Variants in ST6GALNAC3 observed in about 807,000 individuals in gnomAD.
ST6GALNAC3 encodes alpha-N-acetylgalactosaminide alpha-2,6-sialyltransferase 3.
Under a neutral mutation model 32.7 loss-of-function variants are expected in ST6GALNAC3, and 25 were observed. The observed-to-expected ratio is 0.76, with a 90% CI of 0.56 to 1.07. The LOEUF (loss-of-function observed/expected upper bound fraction) is 1.07. Ranked by LOEUF, ST6GALNAC3 falls within the 50% of genes least tolerant of loss-of-function variation. ST6GALNAC3 has a pLI of 0.00. For missense variants in ST6GALNAC3, 355 were observed against 382.4 expected (o/e 0.93, Z 0.60); for synonymous variants, 129 against 133.1 (o/e 0.97, Z 0.21).
chr1:76,279,264 A>G (rs1247018007), intron 1 of ST6GALNAC3, among the ~76,000 whole-genome samples: 1 of 152,244 alleles, frequency 6.6e-6, no homozygotes, highest in Non-Finnish European at 1.5e-5. Context: ...GAAAACTTTG[A>G]TAACAACTCA....
intron 1 of ST6GALNAC3, among the ~76,000 whole-genome samples, chr1:76,312,942 AT>A (rs1646795241): frequency 6.6e-6 from 1 of 152,160 alleles, no homozygotes. Flanking sequence ...ATCAAGCTCA[AT>A]TTCAAAGACA....
intron 2 of ST6GALNAC3, among the ~76,000 whole-genome samples, chr1:76,374,905 GT>G (rs76057182): frequency 3.3e-5 from 5 of 151,584 alleles, no homozygotes; most frequent in African/African-American, 1.2e-4. Flanking sequence ...ACCAAAAAAT[GT>G]TTTTTTTGTG....
intron 1 of ST6GALNAC3, among the ~76,000 whole-genome samples, chr1:76,168,025 C>A (rs1413087720): frequency 6.6e-6 from 1 of 151,838 alleles, no homozygotes; most frequent in Non-Finnish European, 1.5e-5. Context: ...TTGTCTTCTG[C>A]TAGCTTTGGG....
At position 76,634,279 on chromosome 1, in the gene ST6GALNAC3, A is replaced by C. The variant is rs1041003584; in HGVS notation, c.*5473A>C. 3 of 577,036 alleles carry C rather than the reference A, an allele frequency of 5.2e-6. No homozygotes were observed. The highest frequency in any genetic ancestry group is 2.0e-5 in the African/African-American group (1 of 49,212). 35.7% of individuals were successfully genotyped at this position (577,036 alleles called of 1,614,324 possible). A position where few individuals can be genotyped will look rare whatever the true frequency, so the allele number is the denominator to read the frequency against. ...TGAGAGCTATTTCTAAGAAACTTCA[A>C]AAAGATCAAAACGAGGCAATTTTAT... On this transcript the variant is annotated 3_prime_UTR_variant, in exon 5 of 5. Coordinates refer to ENST00000328299, the MANE Select transcript of ST6GALNAC3 (RefSeq NM_152996.4).
At chr1:76,314,742 G>A (rs916350433) in intron 2 of ST6GALNAC3, among the ~76,000 whole-genome samples, 14 of 152,164 alleles carry the variant, frequency 9.2e-5, no homozygotes, top group African/African-American at 3.4e-4. Context: ...CTATGGAGTT[G>A]GATGAATGTG....
At chr1:76,516,391 G>C (rs1265134322) in intron 3 of ST6GALNAC3, among the ~76,000 whole-genome samples, 1 of 151,904 alleles carries the variant, frequency 6.6e-6, no homozygotes, top group Non-Finnish European at 1.5e-5. Flanking sequence ...GTTTGGTTTG[G>C]CTTAAACTTT....
intron 1 of ST6GALNAC3, among the ~76,000 whole-genome samples, chr1:76,238,408 A>G (rs1489375413): frequency 1.3e-5 from 2 of 152,236 alleles, no homozygotes; most frequent in African/African-American, 4.8e-5. Flanking sequence ...GAGATGCCAA[A>G]TACCAGGCAG....
intron 1 of ST6GALNAC3, among the ~76,000 whole-genome samples, chr1:76,267,776 C>T (rs938435253): frequency 3.9e-5 from 6 of 152,328 alleles, no homozygotes; most frequent in Non-Finnish European, 7.3e-5. Flanking sequence ...GAATGGAAAG[C>T]AGCTGATATT....
chr1:76,320,378 G>T (rs530735665), intron 2 of ST6GALNAC3, among the ~76,000 whole-genome samples: 75 of 152,174 alleles, frequency 4.9e-4, no homozygotes, highest in African/African-American at 1.8e-3. Context: ...AGTCCTAATC[G>T]TGTGGCTCTT....
chr1:76,109,616 C>T (rs911926008), intron 1 of ST6GALNAC3, among the ~76,000 whole-genome samples: 2 of 152,346 alleles, frequency 1.3e-5, no homozygotes, highest in African/African-American at 2.4e-5. Context: ...GCTTCCTCTC[C>T]GGTCTGGCGG....
At chr1:76,273,823 G>T (rs1658989227) in intron 1 of ST6GALNAC3, among the ~76,000 whole-genome samples, 1 of 152,104 alleles carries the variant, frequency 6.6e-6, no homozygotes, top group Non-Finnish European at 1.5e-5. Flanking sequence ...AGTAATTTTT[G>T]CTATAGTTAT....
intron 3 of ST6GALNAC3, among the ~76,000 whole-genome samples, chr1:76,587,011 G>A (rs183911544): frequency 6.6e-6 from 1 of 152,276 alleles, no homozygotes; most frequent in Admixed American, 6.5e-5. Flanking sequence ...GTTAGACTGT[G>A]TGTCCATTTG....
intron 1 of ST6GALNAC3, among the ~76,000 whole-genome samples, chr1:76,289,654 A>G (rs1659966874): frequency 6.6e-6 from 1 of 152,240 alleles, no homozygotes. Context: ...CACCAACCCC[A>G]TTAAGTTGGA....
chr1:76,212,700 A>G (rs941878198), intron 1 of ST6GALNAC3, among the ~76,000 whole-genome samples: 5 of 152,170 alleles, frequency 3.3e-5, no homozygotes, highest in African/African-American at 1.2e-4. Context: ...TTTTCAGGCC[A>G]CTTTGAAATT....
In ST6GALNAC3 at chr1:76,632,873, C is replaced by T. The variant is rs971259206; in HGVS notation, c.*4067C>T. The T allele has an allele frequency of 6.6e-6, 1 of 151,992 alleles. No homozygotes were observed. Among genetic ancestry groups the T allele is most frequent in the African/African-American group, 2.4e-5 (1 of 41,380 alleles). 9.4% of individuals were successfully genotyped at this position (151,992 alleles called of 1,614,324 possible). On this transcript the variant is annotated 3_prime_UTR_variant, in exon 5 of 5. Coordinates refer to ENST00000328299, the MANE Select transcript of ST6GALNAC3 (RefSeq NM_152996.4). The stretch of plus-strand genomic sequence containing the variant: ...AATGCAAATAATAAATTATGTTATT[C>T]AGTATCAGTTGTTTGCATGTCTTAG...
intron 1 of ST6GALNAC3, among the ~76,000 whole-genome samples, chr1:76,155,139 G>A (rs999767761): frequency 1.3e-5 from 2 of 152,108 alleles, no homozygotes; most frequent in African/African-American, 2.4e-5. Context: ...TACGGGCTTT[G>A]CTGCCCTTGG....
intron 1 of ST6GALNAC3, among the ~76,000 whole-genome samples, chr1:76,225,041 A>G (rs1655989253): frequency 6.6e-6 from 1 of 152,108 alleles, no homozygotes; most frequent in South Asian, 2.1e-4. Context: ...ATTGAGCAGC[A>G]GCCAATGCAG....
intron 2 of ST6GALNAC3, among the ~76,000 whole-genome samples, chr1:76,342,208 C>A (rs1648100752): frequency 6.6e-6 from 1 of 152,122 alleles, no homozygotes; most frequent in Non-Finnish European, 1.5e-5. Context: ...AATGTATAAT[C>A]CTTTGGTAAT....
chr1:76,583,420 A>G (rs1646918789), intron 3 of ST6GALNAC3, among the ~76,000 whole-genome samples: 1 of 152,222 alleles, frequency 6.6e-6, no homozygotes, highest in South Asian at 2.1e-4. Context: ...AAAAGGTCAA[A>G]GTAACAGATG....
Sources: allele counts gnomAD v4.1 joint callset (sites outside exome capture counted in the v4.1 genomes callset), GRCh38; gene constraint gnomAD v4.1.1; transcripts MANE v1.5; gene names NCBI Gene and HGNC (gene_info 2026-07-23, HGNC 2026-07-21).